The following HMGCLL1 variants were observed in gnomAD, a reference collection of about 807,000 sequenced individuals.
The protein encoded by HMGCLL1 is 3-hydroxymethyl-3-methylglutaryl-CoA lyase, cytoplasmic.
A neutral mutation model predicts 39.1 loss-of-function variants in HMGCLL1; 36 were observed. The ratio of observed to expected loss-of-function variants is 0.92; its 90% CI spans 0.71 to 1.22. HMGCLL1 has a LOEUF of 1.22. Ranked by LOEUF, HMGCLL1 falls within the 50% of genes most tolerant of loss-of-function variation. HMGCLL1 has a pLI of 0.00. For synonymous variants in HMGCLL1, 149 were observed against 144.0 expected, an observed-to-expected ratio of 1.03 and a Z score of -0.25; for missense variants, 451 against 416.5, an observed-to-expected ratio of 1.08 and a Z score of -0.72.
At chr6:55,511,788 A>T (rs10223668) in intron 5 of HMGCLL1, among the ~76,000 whole-genome samples, 1 of 151,968 alleles carries the variant, frequency 6.6e-6, no homozygotes, top group Non-Finnish European at 1.5e-5. Context: ...GAGGAATAAG[A>T]TATTTTCAAC....
At chr6:55,447,495 C>A (rs967091145) in intron 7 of HMGCLL1, among the ~76,000 whole-genome samples, 2 of 151,914 alleles carry the variant, frequency 1.3e-5, no homozygotes, top group East Asian at 3.9e-4. Flanking sequence ...TTCACTCCTC[C>A]TTGCCTTCAA....
At chr6:55,437,257 T>C (rs1763409436) in intron 8 of HMGCLL1, among the ~76,000 whole-genome samples, 1 of 152,004 alleles carries the variant, frequency 6.6e-6, no homozygotes, top group Non-Finnish European at 1.5e-5. Context: ...TGATAGATTC[T>C]GGAGTTTCAA....
intron 7 of HMGCLL1, among the ~76,000 whole-genome samples, chr6:55,476,276 T>C (rs1002003737): frequency 1.3e-5 from 2 of 151,702 alleles, no homozygotes; most frequent in Admixed American, 6.6e-5. Flanking sequence ...TATATAGTAA[T>C]ATAACATGTC....
chr6:55,551,954 T>C (rs1244576358), intron 1 of HMGCLL1, among the ~76,000 whole-genome samples: 2 of 152,042 alleles, frequency 1.3e-5, no homozygotes, highest in East Asian at 1.9e-4. Flanking sequence ...TCTGTCATAA[T>C]ATATTTCAAA....
chr6:55,602,988 C>T, the HMGCLL1 span, among the ~76,000 whole-genome samples: 1 of 152,098 alleles, frequency 6.6e-6, no homozygotes, highest in South Asian at 2.1e-4. Context: ...GGTTTTTTAA[C>T]GAGTTCCCAT....
At chr6:55,507,968 G>A (rs1200617090) in intron 5 of HMGCLL1, among the ~76,000 whole-genome samples, 2 of 151,554 alleles carry the variant, frequency 1.3e-5, no homozygotes, top group Non-Finnish European at 2.9e-5. Context: ...AGCTTCTAGG[G>A]TTTCTGTCCA....
chr6:55,577,552 T>C (rs1185813292), intron 1 of HMGCLL1, among the ~76,000 whole-genome samples: 1 of 152,130 alleles, frequency 6.6e-6, no homozygotes, highest in African/African-American at 2.4e-5. Flanking sequence ...TTCCATATCT[T>C]AGCAGGGCAA....
chr6:55,628,546 T>C, the HMGCLL1 span, among the ~76,000 whole-genome samples: 7 of 151,972 alleles, frequency 4.6e-5, no homozygotes, highest in East Asian at 1.4e-3. Context: ...TCAGGTGATC[T>C]GCCCACCTCG....
At chr6:55,607,489 G>A in the HMGCLL1 span, among the ~76,000 whole-genome samples, 1 of 152,136 alleles carries the variant, frequency 6.6e-6, no homozygotes, top group African/African-American at 2.4e-5. Context: ...GTCTTCAGCT[G>A]TCAGTCTCTT....
the HMGCLL1 span, among the ~76,000 whole-genome samples, chr6:55,667,359 T>A: frequency 6.6e-6 from 1 of 151,830 alleles, no homozygotes; most frequent in Admixed American, 6.6e-5. Context: ...ACCAAGTGTG[T>A]ACTATGTACC....
intron 7 of HMGCLL1, among the ~76,000 whole-genome samples, chr6:55,468,345 A>C (rs995489152): frequency 6.6e-6 from 1 of 152,030 alleles, no homozygotes; most frequent in African/African-American, 2.4e-5. Flanking sequence ...CATCTAGTAG[A>C]GAACAATGCC....
the HMGCLL1 span, among the ~76,000 whole-genome samples, chr6:55,672,884 C>T: frequency 6.6e-6 from 1 of 151,920 alleles, no homozygotes; most frequent in Non-Finnish European, 1.5e-5. Flanking sequence ...GCATGTTACG[C>T]ATTCACATGG....
chr6:55,641,344 A>T, the HMGCLL1 span, among the ~76,000 whole-genome samples: 674 of 152,134 alleles, frequency 4.4e-3, 7 homozygotes, highest in Middle Eastern at 0.017. Context: ...ACAGGTTAAA[A>T]TTTGATCTAC....
chr6:55,528,267 G>A (rs1768429352), intron 3 of HMGCLL1, among the ~76,000 whole-genome samples: 2 of 151,958 alleles, frequency 1.3e-5, no homozygotes, highest in African/African-American at 2.4e-5. Flanking sequence ...CATAGAGCAT[G>A]CAATTTCTTC....
chr6:55,631,410 A>G, the HMGCLL1 span, among the ~76,000 whole-genome samples: 2 of 152,038 alleles, frequency 1.3e-5, no homozygotes, highest in South Asian at 2.1e-4. Context: ...TATTTGTATC[A>G]TTATAACCCA....
chr6:55,550,626 G>A (rs1023149371), intron 1 of HMGCLL1, among the ~76,000 whole-genome samples: 14 of 151,848 alleles, frequency 9.2e-5, no homozygotes, highest in African/African-American at 3.2e-4. Context: ...TCTCCAAAAT[G>A]GGATTTGGGA....
At chr6:55,516,851 C>T (rs1046085921) in intron 3 of HMGCLL1, among the ~76,000 whole-genome samples, 13 of 151,924 alleles carry the variant, frequency 8.6e-5, no homozygotes, top group East Asian at 1.9e-4. Context: ...GATAGGAATT[C>T]GGAACTTTAT....
chr6:55,644,227 C>A, the HMGCLL1 span, among the ~76,000 whole-genome samples: 2 of 151,760 alleles, frequency 1.3e-5, no homozygotes, highest in Non-Finnish European at 1.5e-5. Context: ...TCTATTCAAA[C>A]CTTTTGTCAA....
At chr6:55,605,077 A>G in the HMGCLL1 span, among the ~76,000 whole-genome samples, 3 of 152,220 alleles carry the variant, frequency 2.0e-5, no homozygotes, top group Non-Finnish European at 4.4e-5. Flanking sequence ...GCTACTAGAA[A>G]GGCACTGGGA....
Sources: gnomAD v4.1 joint callset for allele counts (sites outside exome capture counted in the v4.1 genomes callset) on GRCh38, gnomAD v4.1.1 for gene constraint, MANE v1.5 for transcripts, NCBI Gene and HGNC (gene_info 2026-07-23, HGNC 2026-07-21) for gene names.